The following BRINP3 variants were observed in gnomAD, a reference collection of about 807,000 sequenced individuals.
The protein encoded by BRINP3 is BMP/retinoic acid-inducible neural-specific protein 3.
BRINP3 carries 19 observed loss-of-function variants against 71.0 expected under a neutral mutation model. That is an observed-to-expected ratio of 0.27 (90% CI 0.19 to 0.39). The LOEUF is 0.39. BRINP3 is among the 10% of genes least tolerant of loss of function. The pLI, the probability that BRINP3 is intolerant of heterozygous loss-of-function variation, is 1.00. For synonymous variants in BRINP3, 380 were observed against 337.7 expected (o/e 1.13, Z -1.37); for missense variants, 959 against 940.8 (o/e 1.02, Z -0.25).
chr1:190,099,125 G>A lies in BRINP3; in HGVS notation c.1194C>T (p.Thr398=), dbSNP rs932101955. ...LISLPRQRTS[T]YWLTRIQSFL... is the part of the protein sequence containing the mutation. ...AAGACTGGATGCGAGTAAGCCAGTA[G>A]GTTGAGGTTCTAGAAATACAAAACA... Residue 398 remains threonine, a synonymous_variant, in exon 8 of 8, where the codon ACC becomes ACT. Transcript: ENST00000367462. 4 of 1,612,856 alleles carry A rather than the reference G, an allele frequency of 2.5e-6. No individual in the cohort carries two copies. Among genetic ancestry groups the A allele is most frequent in the African/African-American group, 1.3e-5 (1 of 74,906 alleles).
intron 2 of BRINP3, among the ~76,000 whole-genome samples, chr1:190,405,383 G>A (rs775509668): frequency 6.5e-4 from 94 of 145,610 alleles, no homozygotes; most frequent in Non-Finnish European, 9.1e-4. Flanking sequence ...CCCGGGAGGC[G>A]GAGCTTGCGG....
At chr1:190,144,732 A>G (rs959646668) in intron 7 of BRINP3, among the ~76,000 whole-genome samples, 1 of 152,222 alleles carries the variant, frequency 6.6e-6, no homozygotes, top group East Asian at 1.9e-4. Flanking sequence ...TGGGTATTTT[A>G]TCACTTTTCC....
At chr1:190,379,046 A>G (rs1219368465) in intron 2 of BRINP3, among the ~76,000 whole-genome samples, 1 of 152,160 alleles carries the variant, frequency 6.6e-6, no homozygotes, top group Non-Finnish European at 1.5e-5. Context: ...TAAATTACAA[A>G]CAGAGCAAAA....
At chr1:190,291,196 T>G (rs1407749693) in intron 2 of BRINP3, among the ~76,000 whole-genome samples, 1 of 152,086 alleles carries the variant, frequency 6.6e-6, no homozygotes, top group Non-Finnish European at 1.5e-5. Flanking sequence ...TTCACATTTC[T>G]TAAAAGATGA....
intron 2 of BRINP3, among the ~76,000 whole-genome samples, chr1:190,384,016 A>T (rs1233522600): frequency 6.6e-6 from 1 of 151,894 alleles, no homozygotes; most frequent in Non-Finnish European, 1.5e-5. Flanking sequence ...AAGTTAAGTA[A>T]CATCATAAAA....
intron 2 of BRINP3, among the ~76,000 whole-genome samples, chr1:190,314,444 T>G (rs1475152354): frequency 6.6e-6 from 1 of 151,960 alleles, no homozygotes; most frequent in Non-Finnish European, 1.5e-5. Flanking sequence ...CTAGGTGGGC[T>G]CAATATAATC....
At chr1:190,424,656 G>A (rs1461738622) in intron 2 of BRINP3, among the ~76,000 whole-genome samples, 1 of 151,632 alleles carries the variant, frequency 6.6e-6, no homozygotes, top group Non-Finnish European at 1.5e-5. Flanking sequence ...GAAAGAAACA[G>A]TGAACAGTAA....
At chr1:190,261,719 C>G (rs74820379) in intron 4 of BRINP3, among the ~76,000 whole-genome samples, 1 of 151,980 alleles carries the variant, frequency 6.6e-6, no homozygotes, top group African/African-American at 2.4e-5. Flanking sequence ...AATTAAATAC[C>G]TACTATATGT....
intron 3 of BRINP3, among the ~76,000 whole-genome samples, chr1:190,274,433 C>A (rs997255405): frequency 2.6e-5 from 4 of 151,504 alleles, no homozygotes; most frequent in African/African-American, 9.7e-5. Flanking sequence ...ATTTGAATAT[C>A]TTACTCTGAA....
chr1:190,339,681 T>C (rs1558195587), intron 2 of BRINP3, among the ~76,000 whole-genome samples: 1 of 151,900 alleles, frequency 6.6e-6, no homozygotes, highest in African/African-American at 2.4e-5. Flanking sequence ...CCGCCTCCCG[T>C]ACTATTTAAA....
intron 1 of BRINP3, among the ~76,000 whole-genome samples, chr1:190,472,752 A>G (rs909001038): frequency 6.6e-6 from 1 of 151,704 alleles, no homozygotes; most frequent in African/African-American, 2.4e-5. Context: ...CTACACTGCA[A>G]ATAAATACAC....
chr1:190,222,347 A>G (rs1037837516), intron 6 of BRINP3, among the ~76,000 whole-genome samples: 24 of 151,722 alleles, frequency 1.6e-4, no homozygotes, highest in Admixed American at 3.9e-4. Context: ...GAAGGCAATT[A>G]AAAAAAACAA....
chr1:190,198,807 A>G (rs1376046157), intron 6 of BRINP3, among the ~76,000 whole-genome samples: 1 of 152,112 alleles, frequency 6.6e-6, no homozygotes, highest in East Asian at 1.9e-4. Flanking sequence ...ACTTTCCTAT[A>G]CCTTCCTGTC....
intron 2 of BRINP3, among the ~76,000 whole-genome samples, chr1:190,448,195 T>C (rs966073678): frequency 4.6e-5 from 7 of 151,894 alleles, no homozygotes; most frequent in South Asian, 2.1e-4. Context: ...AACAGTTTAA[T>C]TGATTTCTTT....
intron 6 of BRINP3, among the ~76,000 whole-genome samples, chr1:190,183,186 T>C (rs1237337538): frequency 6.6e-6 from 1 of 152,106 alleles, no homozygotes; most frequent in Non-Finnish European, 1.5e-5. Flanking sequence ...TTTCAATCTC[T>C]GTCAGATAAT....
chr1:190,439,034 C>T (rs1558287303), intron 2 of BRINP3, among the ~76,000 whole-genome samples: 1 of 151,820 alleles, frequency 6.6e-6, no homozygotes, highest in African/African-American at 2.4e-5. Context: ...TAAGTTTATT[C>T]TTTCTATCTA....
At chr1:190,250,250 A>C (rs1208705442) in intron 4 of BRINP3, among the ~76,000 whole-genome samples, 3 of 151,942 alleles carry the variant, frequency 2.0e-5, no homozygotes. Flanking sequence ...GACATAAAAT[A>C]AATTTGGAAT....
At chr1:190,303,893 G>A (rs1369090324) in intron 2 of BRINP3, among the ~76,000 whole-genome samples, 1 of 151,496 alleles carries the variant, frequency 6.6e-6, no homozygotes, top group Non-Finnish European at 1.5e-5. Context: ...ACAACTGATG[G>A]TTTAATAAAA....
intron 6 of BRINP3, among the ~76,000 whole-genome samples, chr1:190,161,199 C>A (rs1210267161): frequency 6.6e-6 from 1 of 151,930 alleles, no homozygotes; most frequent in Admixed American, 6.6e-5. Flanking sequence ...CTGTGTGCTT[C>A]TTTTAAACGT....
Sources: allele counts gnomAD v4.1 joint callset (sites outside exome capture counted in the v4.1 genomes callset), GRCh38; gene constraint gnomAD v4.1.1; transcripts MANE v1.5; gene names NCBI Gene and HGNC (gene_info 2026-07-23, HGNC 2026-07-21).